Variants in VWA3B observed in about 807,000 individuals in gnomAD.
The protein encoded by VWA3B is von Willebrand factor A domain containing 3B.
VWA3B carries 138 observed loss-of-function variants against 158.3 expected under a neutral mutation model. The observed-to-expected ratio is 0.87, with a 90% CI of 0.76 to 1.00. The LOEUF is 1.00. Ranked by LOEUF, VWA3B falls within the 50% of genes least tolerant of loss-of-function variation. The pLI, the probability that VWA3B is intolerant of heterozygous loss-of-function variation, is 0.00. For missense variants in VWA3B, 1,555 were observed against 1,565.1 expected (o/e 0.99, Z 0.11); for synonymous variants, 596 against 587.3 (o/e 1.01, Z -0.21).
At chr2:98,278,073 G>C (rs915169526) in intron 22 of VWA3B, among the ~76,000 whole-genome samples, 1 of 152,116 alleles carries the variant, frequency 6.6e-6, no homozygotes, top group African/African-American at 2.4e-5. Context: ...CTGATATTCA[G>C]GTCTGTTGGG....
At chr2:98,148,221 A>G (rs1037805231) in intron 7 of VWA3B, among the ~76,000 whole-genome samples, 7 of 152,228 alleles carry the variant, frequency 4.6e-5, no homozygotes, top group African/African-American at 1.4e-4. Flanking sequence ...CTTTAAGACA[A>G]TATAATTCAC....
intron 2 of VWA3B, among the ~76,000 whole-genome samples, chr2:98,115,310 G>A (rs993505682): frequency 6.6e-6 from 1 of 152,096 alleles, no homozygotes; most frequent in Non-Finnish European, 1.5e-5. Context: ...GGGGGAAGGC[G>A]GGAGGGATAG....
At chr2:98,204,935 AC>A (rs1160551618) in intron 12 of VWA3B, among the ~76,000 whole-genome samples, 1 of 152,032 alleles carries the variant, frequency 6.6e-6, no homozygotes, top group Non-Finnish European at 1.5e-5. Context: ...ACATGGGAAA[AC>A]CCCGTCTCTA....
chr2:98,194,752 C>T lies in VWA3B; in HGVS notation c.1737+260C>T, dbSNP rs1430920448. Among the ~76,000 whole-genome samples the T allele has an allele frequency of 3.3e-5, 5 of 152,184 alleles. 1 individual carries two copies. In the South Asian group the frequency reaches 1.0e-3, roughly 32 times the overall value. On this transcript the variant is annotated intron_variant, in intron 12 of 27. Coordinates refer to ENST00000477737, the MANE Select transcript of VWA3B (RefSeq NM_144992.5). ...GCTCTGCCCTTGGCTCAGGTTGAAG[C>T]CCCCTTATGAAAACACATTTCAAAA...
intron 25 of VWA3B, 72 bp downstream of exon 25, chr2:98,300,288 T>C: frequency 1.3e-6 from 2 of 1,590,232 alleles, no homozygotes; most frequent in Non-Finnish European, 1.7e-6. Context: ...ACTGCCAGGC[T>C]TCTTGATGAA....
chr2:98,137,454 A>G (rs1013867018), intron 7 of VWA3B, among the ~76,000 whole-genome samples: 2 of 152,226 alleles, frequency 1.3e-5, no homozygotes, highest in Admixed American at 6.5e-5. Flanking sequence ...TTAAAAAGTC[A>G]AAGTTAATGC....
chr2:98,296,071 A>G (rs960041441), intron 23 of VWA3B, among the ~76,000 whole-genome samples: 1 of 152,262 alleles, frequency 6.6e-6, no homozygotes, highest in African/African-American at 2.4e-5. Flanking sequence ...CAAAGAAGAA[A>G]GTCAGTGATA....
chr2:98,313,967 A>T (rs62155349), downstream of VWA3B, among the ~76,000 whole-genome samples: 5,930 of 152,320 alleles, frequency 0.039, 166 homozygotes, highest in Middle Eastern at 0.075. Context: ...AGCAACTAGA[A>T]TTACACTCCC....
rs541347182 is a variant in VWA3B, at chr2:98,162,456, G to A, written c.989-395G>A. ...AGAAGCAGGACACCTTGGCTACATG[G>A]CGAAAGGATTAGGGGTTGTTGCTTT... On this transcript the variant is annotated intron_variant, in intron 7 of 27. Transcript: ENST00000477737. Among the ~76,000 whole-genome samples the A allele has an allele frequency of 2.0e-5, 3 of 152,278 alleles. No individual in the cohort carries two copies. In the South Asian group the frequency reaches 6.2e-4, roughly 32 times the overall value.
intron 26 of VWA3B, among the ~76,000 whole-genome samples, chr2:98,306,549 C>T (rs772916057): frequency 7.9e-5 from 12 of 152,116 alleles, no homozygotes; most frequent in Admixed American, 3.3e-4. Flanking sequence ...ACATTTTCTG[C>T]TCATCTCAAA....
chr2:98,298,058 G>T (rs756721638), intron 24 of VWA3B, 27 bp downstream of exon 24: 1 of 1,462,670 alleles, frequency 6.8e-7, no homozygotes, highest in Non-Finnish European at 9.1e-7. Context: ...GTGTTCTGGG[G>T]CCCCTTTTCA....
chr2:98,110,942 T>C (rs565753951), intron 2 of VWA3B, among the ~76,000 whole-genome samples: 1 of 152,350 alleles, frequency 6.6e-6, no homozygotes, highest in Admixed American at 6.5e-5. Context: ...CTTTGCCTGC[T>C]GCTGTCCATG....
At chr2:98,173,953 C>A (rs532792720) in intron 8 of VWA3B, among the ~76,000 whole-genome samples, 1 of 147,674 alleles carries the variant, frequency 6.8e-6, no homozygotes, top group African/African-American at 2.5e-5. Flanking sequence ...GGCGACAGAG[C>A]GAGACTCTGT....
chr2:98,170,128 AAATG>A (rs1679458261), intron 8 of VWA3B, among the ~76,000 whole-genome samples: 1 of 152,168 alleles, frequency 6.6e-6, no homozygotes, highest in South Asian at 2.1e-4. Flanking sequence ...CTCTGTCTCA[AAATG>A]AATGAATGGA....
rs113026409 is a variant in VWA3B at position 98,175,100 on chromosome 2, C to A, written c.1115-5916C>A. Among the ~76,000 whole-genome samples, 1,146 of 152,026 alleles carry A rather than the reference C, an allele frequency of 7.5e-3. 9 individuals are homozygous for A. Among genetic ancestry groups the A allele is most frequent in the African/African-American group, 0.026 (1,078 of 41,462 alleles). ...TTTATTATTTAAAATGTCCAGTTGT[C>A]AACAACAACAAAAATGAGGCATGCA... On this transcript the variant is annotated intron_variant, in intron 8 of 27. Coordinates refer to ENST00000477737, the MANE Select transcript of VWA3B (RefSeq NM_144992.5).
intron 4 of VWA3B, 103 bp downstream of exon 4, chr2:98,119,866 G>A (rs528855689): frequency 5.7e-6 from 8 of 1,394,014 alleles, no homozygotes; most frequent in Non-Finnish European, 7.9e-6. Context: ...TCTGGTGAGG[G>A]AAGAGGCATT....
intron 12 of VWA3B, among the ~76,000 whole-genome samples, chr2:98,209,526 C>T (rs1473909728): frequency 3.3e-5 from 5 of 152,110 alleles, no homozygotes; most frequent in Non-Finnish European, 4.4e-5. Flanking sequence ...ATGATCTGCT[C>T]GCCTCAGCCT....
At position 98,234,641 on chromosome 2, in the gene VWA3B, C is replaced by A; in HGVS notation, c.2309-7C>A. The A allele has an allele frequency of 6.2e-7, 1 of 1,614,112 alleles. No homozygotes were observed. The highest frequency in any genetic ancestry group is 1.1e-5 in the South Asian group (1 of 91,070). ...TCCTTTAACTCTTCCCTCTGTGATA[C>A]CAACAGAATCAACCAAAACCAGCCT... On this transcript the variant is annotated splice_region_variant and splice_polypyrimidine_tract_variant and intron_variant, in intron 16 of 27. Coordinates refer to ENST00000477737, the MANE Select transcript of VWA3B (RefSeq NM_144992.5).
At chr2:98,258,723 G>A (rs1687304187) in intron 21 of VWA3B, among the ~76,000 whole-genome samples, 1 of 151,728 alleles carries the variant, frequency 6.6e-6, no homozygotes, top group Non-Finnish European at 1.5e-5. Flanking sequence ...GGTACTAGTG[G>A]CTTTGTGGGG....
Sources: allele counts gnomAD v4.1 joint callset (sites outside exome capture counted in the v4.1 genomes callset), GRCh38; gene constraint gnomAD v4.1.1; transcripts MANE v1.5; gene names NCBI Gene and HGNC (gene_info 2026-07-23, HGNC 2026-07-21).